Variants in SORCS1 observed in about 807,000 individuals in gnomAD.
SORCS1 encodes sortilin related VPS10 domain containing receptor 1.
Under a neutral mutation model 146.1 loss-of-function variants are expected in SORCS1, and 60 were observed. The observed-to-expected ratio is 0.41, with a 90% CI of 0.33 to 0.51. The LOEUF is 0.51. SORCS1 is among the 20% of genes least tolerant of loss of function. SORCS1 has a pLI of 0.21. For synonymous variants in SORCS1, 637 were observed against 584.0 expected, an observed-to-expected ratio of 1.09 and a Z score of -1.31; for missense variants, 1,352 against 1,487.6, an observed-to-expected ratio of 0.91 and a Z score of 1.50.
At chr10:106,596,468 A>ATC (rs1264601994) in intron 24 of SORCS1, among the ~76,000 whole-genome samples, 1 of 152,202 alleles carries the variant, frequency 6.6e-6, no homozygotes, top group Non-Finnish European at 1.5e-5. Flanking sequence ...TACTTGTGTT[A>ATC]TCATCTATTC....
chr10:107,149,547 T>C (rs1012188179), intron 1 of SORCS1, among the ~76,000 whole-genome samples: 1 of 152,310 alleles, frequency 6.6e-6, no homozygotes, highest in Middle Eastern at 3.4e-3. Context: ...CCATCACCAT[T>C]GTGCTAATCA....
chr10:106,860,508 T>C (rs770412528), intron 2 of SORCS1, among the ~76,000 whole-genome samples: 2 of 152,202 alleles, frequency 1.3e-5, no homozygotes, highest in Non-Finnish European at 2.9e-5. Flanking sequence ...CTGAGTTCTC[T>C]AACATCGCAC....
intron 1 of SORCS1, among the ~76,000 whole-genome samples, chr10:106,989,743 G>A (rs1269360074): frequency 7.1e-6 from 1 of 140,484 alleles, no homozygotes; most frequent in Non-Finnish European, 1.5e-5. Flanking sequence ...CTGGAGTGCA[G>A]TGGCGCGATC....
chr10:106,768,018 C>G (rs1341225884), intron 4 of SORCS1, among the ~76,000 whole-genome samples: 3 of 152,140 alleles, frequency 2.0e-5, no homozygotes, highest in Non-Finnish European at 4.4e-5. Flanking sequence ...GCAAATCAAA[C>G]TGTTCCAGGT....
intron 1 of SORCS1, among the ~76,000 whole-genome samples, chr10:107,149,136 A>G (rs59937987): frequency 0.014 from 2,110 of 152,298 alleles, 47 homozygotes; most frequent in African/African-American, 0.048. Context: ...CTGAGAGCAC[A>G]GCTCCCTCTG....
At chr10:107,172,702 T>G in the SORCS1 span, among the ~76,000 whole-genome samples, 1 of 152,174 alleles carries the variant, frequency 6.6e-6, no homozygotes, top group African/African-American at 2.4e-5. Flanking sequence ...TTAATAGCCT[T>G]TCTTAATATT....
At chr10:106,871,273 G>A (rs777211353) in intron 2 of SORCS1, among the ~76,000 whole-genome samples, 14 of 152,132 alleles carry the variant, frequency 9.2e-5, no homozygotes, top group African/African-American at 1.9e-4. Flanking sequence ...TAGTTCAACC[G>A]TTGTGGAAAG....
At chr10:106,956,129 C>CAAAA (rs201562634) in intron 2 of SORCS1, among the ~76,000 whole-genome samples, 6 of 125,502 alleles carry the variant, frequency 4.8e-5, no homozygotes, top group African/African-American at 1.5e-4. Context: ...AACTCCGTCT[C>CAAAA]AAAAAAAAAA....
At chr10:106,624,229 A>C (rs1480244587) in intron 19 of SORCS1, among the ~76,000 whole-genome samples, 1 of 152,140 alleles carries the variant, frequency 6.6e-6, no homozygotes, top group South Asian at 2.1e-4. Flanking sequence ...TGAAAGCTCC[A>C]GGGTGAGGGT....
intron 3 of SORCS1, among the ~76,000 whole-genome samples, chr10:106,816,968 T>G (rs112890756): frequency 5.4e-4 from 83 of 152,304 alleles, no homozygotes; most frequent in African/African-American, 1.9e-3. Flanking sequence ...GTCAGCAATG[T>G]ACTTCCAAAT....
chr10:106,711,476 T>C (rs1033698640), intron 6 of SORCS1, among the ~76,000 whole-genome samples: 1 of 152,154 alleles, frequency 6.6e-6, no homozygotes, highest in African/African-American at 2.4e-5. Flanking sequence ...TTAAGGAACT[T>C]ATGTGTACCT....
At chr10:106,644,801 A>G (rs1849303043) in intron 18 of SORCS1, among the ~76,000 whole-genome samples, 1 of 152,166 alleles carries the variant, frequency 6.6e-6, no homozygotes, top group Non-Finnish European at 1.5e-5. Flanking sequence ...ATATAGCTTT[A>G]GTTTGCTCTT....
At chr10:106,600,459 C>T (rs1330896303) in intron 23 of SORCS1, 1 of 982,932 alleles carries the variant, frequency 1.0e-6, no homozygotes, top group African/African-American at 1.7e-5. Context: ...AGAATAATCT[C>T]AATTAGAACC....
chr10:107,055,775 C>T (rs556791150), intron 1 of SORCS1, among the ~76,000 whole-genome samples: 5 of 151,960 alleles, frequency 3.3e-5, no homozygotes, highest in Admixed American at 6.6e-5. Flanking sequence ...GAAATAGAGA[C>T]GAGATCAGGA....
intron 2 of SORCS1, 60 bp downstream of exon 2, chr10:106,956,453 G>T: frequency 1.3e-6 from 2 of 1,492,800 alleles, no homozygotes; most frequent in Non-Finnish European, 1.9e-6. Flanking sequence ...GGGTGGGACA[G>T]CAGTAGCAGG....
chr10:106,740,518 T>C (rs1433297401), intron 5 of SORCS1, among the ~76,000 whole-genome samples: 1 of 152,162 alleles, frequency 6.6e-6, no homozygotes, highest in East Asian at 1.9e-4. Flanking sequence ...CAATTCAATA[T>C]GGAACACAGA....
intron 1 of SORCS1, among the ~76,000 whole-genome samples, chr10:107,050,229 G>A (rs1959979039): frequency 6.6e-6 from 1 of 152,134 alleles, no homozygotes; most frequent in Admixed American, 6.5e-5. Context: ...ACACATAATG[G>A]TTAGATTTCT....
At chr10:106,879,006 C>T (rs575234066) in intron 2 of SORCS1, among the ~76,000 whole-genome samples, 24 of 151,806 alleles carry the variant, frequency 1.6e-4, no homozygotes, top group East Asian at 9.7e-4. Flanking sequence ...AAAAAGTAGC[C>T]GGACATGGTG....
intron 12 of SORCS1, 82 bp from the exon 13 acceptor site, chr10:106,677,486 A>T (rs749454136): frequency 8.2e-6 from 10 of 1,212,762 alleles, no homozygotes; most frequent in Non-Finnish European, 1.2e-5. Context: ...TCACATGAGA[A>T]CAAAAATCCT....
Sources: allele counts gnomAD v4.1 joint callset (sites outside exome capture counted in the v4.1 genomes callset), GRCh38; gene constraint gnomAD v4.1.1; transcripts MANE v1.5; gene names NCBI Gene and HGNC (gene_info 2026-07-23, HGNC 2026-07-21).